The following FAM135B variants were observed in gnomAD, a reference collection of about 807,000 sequenced individuals.
FAM135B encodes the protein protein FAM135B.
FAM135B carries 43 observed loss-of-function variants against 127.7 expected under a neutral mutation model. The ratio of observed to expected loss-of-function variants is 0.34; its 90% CI spans 0.26 to 0.43. The LOEUF is 0.43. FAM135B is among the 20% of genes least tolerant of loss of function. FAM135B has a pLI of 1.00. For missense variants in FAM135B, 1,558 were observed against 1,725.6 expected, an observed-to-expected ratio of 0.90 and a Z score of 1.72; for synonymous variants, 670 against 665.1, an observed-to-expected ratio of 1.01 and a Z score of -0.11.
intron 7 of FAM135B, among the ~76,000 whole-genome samples, chr8:138,217,324 GGAA>G (rs1342918847): frequency 4.6e-5 from 7 of 152,052 alleles, no homozygotes; most frequent in African/African-American, 1.7e-4. Context: ...CTTAAGAGTG[GGAA>G]GAAGTAATTT....
intron 7 of FAM135B, among the ~76,000 whole-genome samples, chr8:138,240,584 C>A (rs1201968767): frequency 3.9e-5 from 6 of 152,182 alleles, no homozygotes; most frequent in Admixed American, 1.3e-4. Flanking sequence ...GTATGGCAGG[C>A]ATGGTGCTGG....
At chr8:138,395,864 C>T (rs1341926413) in intron 1 of FAM135B, among the ~76,000 whole-genome samples, 3 of 152,172 alleles carry the variant, frequency 2.0e-5, no homozygotes, top group African/African-American at 7.2e-5. Context: ...TAGCTACCTT[C>T]TTTATATGTC....
At chr8:138,211,719 T>C (rs921283538) in intron 7 of FAM135B, among the ~76,000 whole-genome samples, 3 of 152,214 alleles carry the variant, frequency 2.0e-5, no homozygotes, top group Admixed American at 2.0e-4. Flanking sequence ...ATATGGCTTA[T>C]ACCATGGATG....
chr8:138,352,795 A>AT (rs11418161), intron 2 of FAM135B, among the ~76,000 whole-genome samples: 152,324 of 152,324 alleles, frequency 1, 76,162 homozygotes, highest in Non-Finnish European at 1. Flanking sequence ...TCCCTAATTC[A>AT]GGGAAGAGAG....
rs1490500386 is a variant in FAM135B, at chr8:138,177,222, C to T, written c.1103+125G>A. Reference sequence around the variant, plus strand: ...CTTTTGCCTGCAGAGGAAATGCAGACAGAAAGTGCAGAGGTGGGCAGACTT... The same window carrying T: ...CTTTTGCCTGCAGAGGAAATGCAGATAGAAAGTGCAGAGGTGGGCAGACTT... On this transcript the variant is annotated intron_variant, in intron 11 of 19. Coordinates refer to ENST00000395297, the MANE Select transcript of FAM135B (RefSeq NM_015912.4). 6 of 818,154 alleles carry T rather than the reference C, an allele frequency of 7.3e-6. No homozygotes were observed. In the African/African-American group the frequency reaches 1.0e-4, roughly 14 times the overall value. The allele number at this position is 818,154 out of a possible 1,614,324, so 50.7% of individuals were successfully genotyped here.
chr8:138,194,590 G>A (rs1294067565), intron 9 of FAM135B, among the ~76,000 whole-genome samples: 1 of 152,174 alleles, frequency 6.6e-6, no homozygotes, highest in Non-Finnish European at 1.5e-5. Context: ...ACAGACAGAG[G>A]TGTCAGTTTG....
At chr8:138,432,929 G>A (rs949865377) in intron 1 of FAM135B, among the ~76,000 whole-genome samples, 11 of 152,032 alleles carry the variant, frequency 7.2e-5, no homozygotes, top group Non-Finnish European at 1.3e-4. Flanking sequence ...CAACCAAAAG[G>A]CACACAGGAA....
chr8:138,284,962 A>C (rs1273394186), intron 3 of FAM135B, among the ~76,000 whole-genome samples: 3 of 152,048 alleles, frequency 2.0e-5, no homozygotes, highest in Non-Finnish European at 4.4e-5. Flanking sequence ...CTTTAAAAAA[A>C]TAGTATTAAT....
intron 1 of FAM135B, among the ~76,000 whole-genome samples, chr8:138,442,098 T>C (rs1115413): frequency 1.6e-4 from 24 of 151,388 alleles, no homozygotes; most frequent in Non-Finnish European, 1.8e-4. Flanking sequence ...CCTTTAATAT[T>C]ACAAATGTTG....
chr8:138,374,380 T>C (rs889323417), intron 1 of FAM135B, among the ~76,000 whole-genome samples: 3 of 152,214 alleles, frequency 2.0e-5, no homozygotes, highest in Admixed American at 6.5e-5. Flanking sequence ...TCATTGTCAA[T>C]AGGATATTGT....
At chr8:138,172,998 G>A (rs982103566) in intron 11 of FAM135B, among the ~76,000 whole-genome samples, 7 of 152,188 alleles carry the variant, frequency 4.6e-5, no homozygotes, top group Non-Finnish European at 7.3e-5. Context: ...CATGGCCCCT[G>A]TTCAGCACAT....
intron 12 of FAM135B, among the ~76,000 whole-genome samples, chr8:138,162,084 T>C (rs1819461617): frequency 6.6e-6 from 1 of 152,228 alleles, no homozygotes; most frequent in East Asian, 1.9e-4. Flanking sequence ...TGACATATTC[T>C]ATGTGAAAAA....
intron 2 of FAM135B, among the ~76,000 whole-genome samples, chr8:138,320,440 C>T (rs1301290040): frequency 6.6e-6 from 1 of 152,224 alleles, no homozygotes; most frequent in African/African-American, 2.4e-5. Context: ...ATAAGCCCAC[C>T]TCAATTTCCT....
chr8:138,246,918 A>G lies in FAM135B; in HGVS notation c.543-3850T>C, dbSNP rs547887166. On this transcript the variant is annotated intron_variant, in intron 6 of 19. Coordinates refer to ENST00000395297, the MANE Select transcript of FAM135B (RefSeq NM_015912.4). Reference sequence around the variant, plus strand: ...TGCATCAGCACGGCCTGGATGTGAGACATGGAGTCAAAGGGGATTATTTCA... The same window carrying G: ...TGCATCAGCACGGCCTGGATGTGAGGCATGGAGTCAAAGGGGATTATTTCA... Among the ~76,000 whole-genome samples, 172 of 152,346 alleles carry G rather than the reference A, an allele frequency of 1.1e-3. 1 individual carries two copies. The highest frequency in any genetic ancestry group is 3.9e-3 in the African/African-American group (162 of 41,586).
intron 7 of FAM135B, among the ~76,000 whole-genome samples, chr8:138,224,450 T>A (rs1029775363): frequency 1.3e-5 from 2 of 152,132 alleles, no homozygotes; most frequent in African/African-American, 2.4e-5. Context: ...TTATTTATTT[T>A]TTTTGAGACA....
At chr8:138,486,719 C>T (rs985718002) in intron 1 of FAM135B, among the ~76,000 whole-genome samples, 1 of 152,208 alleles carries the variant, frequency 6.6e-6, no homozygotes, top group Non-Finnish European at 1.5e-5. Context: ...TCTAATACTG[C>T]TTCCCTCTCT....
intron 1 of FAM135B, among the ~76,000 whole-genome samples, chr8:138,372,817 C>T (rs1386856740): frequency 6.6e-6 from 1 of 152,052 alleles, no homozygotes; most frequent in Non-Finnish European, 1.5e-5. Flanking sequence ...GATCAAGTGC[C>T]CCTTACTGAC....
rs2130694170 is a variant in FAM135B at position 138,148,662 on chromosome 8, A to T, written c.3306T>A (p.Phe1102Leu). 3 of 1,606,916 alleles carry T rather than the reference A, an allele frequency of 1.9e-6. No individual in the cohort carries two copies. The highest frequency in any genetic ancestry group is 2.5e-6 in the Non-Finnish European group (3 of 1,176,638). Reference sequence around the variant, plus strand: ...ATCCTTCAATCTTCAGTTCTTTTTTAAATTTTTCTTTGGCCTGATAAAAAC... The same window carrying T: ...ATCCTTCAATCTTCAGTTCTTTTTTTAATTTTTCTTTGGCCTGATAAAAAC... Reference protein sequence around the residue: ...MFSFYQAKEKFKKELKIEGFL... With the variant: ...MFSFYQAKEKLKKELKIEGFL... Residue 1102 changes from phenylalanine to leucine, a missense_variant, in exon 14 of 20, where the codon TTT becomes TTA. By Grantham distance (22) the Phe-to-Leu change is conservative. Around this residue, in one of 5 missense-constraint regions of FAM135B, gnomAD observed 923 missense variants for 865.3 expected, o/e 1.07. Coordinates refer to ENST00000395297, the MANE Select transcript of FAM135B (RefSeq NM_015912.4).
At chr8:138,469,446 C>T (rs1324902542) in intron 1 of FAM135B, among the ~76,000 whole-genome samples, 2 of 152,044 alleles carry the variant, frequency 1.3e-5, no homozygotes, top group Non-Finnish European at 2.9e-5. Flanking sequence ...AAAGCCAATG[C>T]TGATTGAGGA....
Sources: allele counts gnomAD v4.1 joint callset (sites outside exome capture counted in the v4.1 genomes callset), GRCh38; gene constraint gnomAD v4.1.1; regional missense constraint gnomAD v4.1.1; transcripts MANE v1.5; gene names NCBI Gene and HGNC (gene_info 2026-07-23, HGNC 2026-07-21).